The following PCDHA4 variants were observed in gnomAD, a reference collection of about 807,000 sequenced individuals.
PCDHA4 encodes the protein protocadherin alpha 4.
PCDHA4 carries 49 observed loss-of-function variants against 61.4 expected under a neutral mutation model. The observed-to-expected ratio is 0.80, with a 90% CI of 0.63 to 1.01. The LOEUF is 1.01. Ranked by LOEUF, PCDHA4 falls within the 50% of genes least tolerant of loss-of-function variation. The pLI, the probability that PCDHA4 is intolerant of heterozygous loss-of-function variation, is 0.00. For missense variants in PCDHA4, 1,254 were observed against 1,235.8 expected (o/e 1.01, Z -0.22); for synonymous variants, 590 against 550.3 (o/e 1.07, Z -1.01).
chr5:140,887,018 G>C (rs965813784), intron 1 of PCDHA4, among the ~76,000 whole-genome samples: 70 of 151,906 alleles, frequency 4.6e-4, no homozygotes, highest in African/African-American at 1.6e-3. Context: ...CCTACTGCCT[G>C]AAAAATTTCT....
chr5:140,882,120 C>G, intron 1 of PCDHA4: 4 of 1,448,936 alleles, frequency 2.8e-6, no homozygotes. Flanking sequence ...GCCGCCGTTT[C>G]TTTCTTCCTG....
intron 3 of PCDHA4, among the ~76,000 whole-genome samples, chr5:140,982,886 G>A (rs1310342145): frequency 1.3e-5 from 2 of 152,114 alleles, no homozygotes; most frequent in Admixed American, 6.6e-5. Flanking sequence ...GCCATGCAGA[G>A]AAGATCTGGT....
intron 1 of PCDHA4, among the ~76,000 whole-genome samples, chr5:140,832,335 G>T (rs1771931725): frequency 1.3e-5 from 2 of 152,204 alleles, no homozygotes; most frequent in African/African-American, 2.4e-5. Flanking sequence ...AGAGGACTGA[G>T]TTGTGGTTTG....
At position 140,870,837 on chromosome 5, in the gene PCDHA4, G is replaced by T. The variant is rs782610375; in HGVS notation, c.2385+61265G>T. ...GCAGCGCGGGAGGCGCAGTTAACAA[G>T]CTAGTACCGCGGTCGGTGGGTGCGG... On this transcript the variant is annotated intron_variant, in intron 1 of 3. Transcript: ENST00000530339. 5 of 1,613,820 alleles carry T rather than the reference G, an allele frequency of 3.1e-6. No individual in the cohort carries two copies. The South Asian group carries it at 4.4e-5, about 14-fold the overall frequency.
Position 140,808,399 on chromosome 5 carries a change from C to T in PCDHA4, c.1212C>T (p.Tyr404=), listed in dbSNP as rs782596581. The T allele has an allele frequency of 6.2e-7, 1 of 1,614,190 alleles. No individual in the cohort carries two copies. Among genetic ancestry groups the T allele is most frequent in the Non-Finnish European group, 8.5e-7 (1 of 1,180,050 alleles). ...PFKLVSTFKN[Y]YSLVLDSALD... is the part of the protein sequence containing the mutation. ...AGCTGGTGTCCACCTTCAAGAATTA[C>T]TACTCGTTGGTGCTGGACAGTGCCC... is the stretch of plus-strand genomic sequence containing the variant. Residue 404 remains tyrosine (Y), a synonymous_variant, in exon 1 of 4, where the codon TAC becomes TAT. Transcript: ENST00000530339.
intron 1 of PCDHA4, chr5:140,856,458 A>C: frequency 9.4e-6 from 15 of 1,598,416 alleles, no homozygotes; most frequent in Non-Finnish European, 1.3e-5. Flanking sequence ...GTAACAGAAC[A>C]AAAGCTCTCA....
At chr5:140,999,605 G>T (rs1587843541) in intron 3 of PCDHA4, among the ~76,000 whole-genome samples, 2 of 152,132 alleles carry the variant, frequency 1.3e-5, no homozygotes, top group Admixed American at 1.3e-4. Context: ...CATCCTGGGG[G>T]ACCTTATCAA....
intron 1 of PCDHA4, among the ~76,000 whole-genome samples, chr5:140,963,607 G>A (rs558578531): frequency 2.0e-5 from 3 of 152,306 alleles, no homozygotes; most frequent in Non-Finnish European, 4.4e-5. Context: ...GACGTAATTG[G>A]GAAAGCTTAA....
At chr5:140,823,072 TCG>T (rs2150121964) in intron 1 of PCDHA4, 15 of 1,613,862 alleles carry the variant, frequency 9.3e-6, no homozygotes, top group Non-Finnish European at 1.3e-5. Context: ...GGGCTCGCCT[TCG>T]CTGTGGGCCA....
At chr5:140,972,708 G>C (rs1309799075) in intron 1 of PCDHA4, among the ~76,000 whole-genome samples, 1 of 146,140 alleles carries the variant, frequency 6.8e-6, no homozygotes, top group East Asian at 2.0e-4. Context: ...TCTGTTGCCA[G>C]GCTGGAGTGC....
chr5:140,977,541 G>A (rs1164108305), intron 1 of PCDHA4, among the ~76,000 whole-genome samples: 2 of 152,188 alleles, frequency 1.3e-5, no homozygotes, highest in Non-Finnish European at 2.9e-5. Context: ...GAAGCAGCTT[G>A]CATATGCATA....
At chr5:140,862,688 A>G in intron 1 of PCDHA4, 1 of 553,472 alleles carries the variant, frequency 1.8e-6, no homozygotes, top group Non-Finnish European at 3.6e-6. Flanking sequence ...CTGGTGTCCT[A>G]CTCGTTGATG....
At chr5:140,915,533 G>C (rs1200323853) in intron 1 of PCDHA4, among the ~76,000 whole-genome samples, 1 of 152,018 alleles carries the variant, frequency 6.6e-6, no homozygotes, top group Non-Finnish European at 1.5e-5. Flanking sequence ...GTACCATCTT[G>C]GAGGTCTTGA....
chr5:140,856,140 A>G lies in PCDHA4; in HGVS notation c.2385+46568A>G, dbSNP rs782672623. Reference sequence around the variant, plus strand: ...TGGGAGGTGGGGAGCGGCCAGCTCCACTACTCAGTCTACGAGGAGGCCAGA... The same window carrying G: ...TGGGAGGTGGGGAGCGGCCAGCTCCGCTACTCAGTCTACGAGGAGGCCAGA... On this transcript the variant is annotated intron_variant, in intron 1 of 3. Transcript: ENST00000530339. 4.4e-6 allele frequency: 7 copies of G among 1,598,030 alleles called. 1 individual carries two copies. The African/African-American group carries it at 8.1e-5, about 18-fold the overall frequency.
chr5:140,953,443 A>G (rs1434216967), intron 1 of PCDHA4, among the ~76,000 whole-genome samples: 1 of 152,078 alleles, frequency 6.6e-6, no homozygotes, highest in Non-Finnish European at 1.5e-5. Flanking sequence ...TGGAGAAACT[A>G]GGGATTATCT....
At chr5:140,940,547 C>G (rs1256617271) in intron 1 of PCDHA4, among the ~76,000 whole-genome samples, 1 of 152,018 alleles carries the variant, frequency 6.6e-6, no homozygotes, top group Admixed American at 6.6e-5. Flanking sequence ...TTCCTGGGCT[C>G]AAGTGATTCT....
intron 1 of PCDHA4, chr5:140,968,681 A>G: frequency 1.9e-6 from 3 of 1,614,158 alleles, no homozygotes; most frequent in Non-Finnish European, 2.5e-6. Context: ...AGAGCTGCAC[A>G]CAGGAGAAAT....
chr5:140,810,093 A>G (rs1764598574), intron 1 of PCDHA4: 1 of 153,468 alleles, frequency 6.5e-6, no homozygotes, highest in African/African-American at 2.4e-5. Context: ...GACTTGCACA[A>G]CATGTATTGT....
chr5:140,920,817 C>A (rs1430508925), intron 1 of PCDHA4, among the ~76,000 whole-genome samples: 1 of 150,498 alleles, frequency 6.6e-6, no homozygotes, highest in African/African-American at 2.5e-5. Flanking sequence ...GCACTCCAGC[C>A]TGGCGACGGA....
Sources: allele counts gnomAD v4.1 joint callset (sites outside exome capture counted in the v4.1 genomes callset), GRCh38; gene constraint gnomAD v4.1.1; transcripts MANE v1.5; gene names NCBI Gene and HGNC (gene_info 2026-07-23, HGNC 2026-07-21).